The following TRPC4 variants were observed in gnomAD, a reference collection of about 807,000 sequenced individuals.
The protein encoded by TRPC4 is transient receptor potential cation channel subfamily C member 4.
In TRPC4, 49 loss-of-function variants were observed where a neutral mutation model predicts 99.4. The ratio of observed to expected loss-of-function variants is 0.49; its 90% confidence interval spans 0.39 to 0.63. TRPC4 has a LOEUF of 0.63. TRPC4 is among the 20% of genes least tolerant of loss of function. The pLI is 0.00. For missense variants in TRPC4, 898 were observed against 1,152.9 expected (o/e 0.78, Z 3.20); for synonymous variants, 454 against 425.9 (o/e 1.07, Z -0.81).
chr13:37,801,210 A>G (rs1468769381), intron 1 of TRPC4, among the ~76,000 whole-genome samples: 2 of 152,190 alleles, frequency 1.3e-5, no homozygotes, highest in East Asian at 1.9e-4. Flanking sequence ...TTTCCTAAAT[A>G]AGGAAGATAA....
At chr13:37,670,741 C>G (rs987814621) in intron 5 of TRPC4, among the ~76,000 whole-genome samples, 1 of 152,082 alleles carries the variant, frequency 6.6e-6, no homozygotes, top group Admixed American at 6.5e-5. Context: ...AATAAAAGCC[C>G]GATAGCAAGA....
Position 37,747,201 on chromosome 13 carries a change from T to C in TRPC4, c.379-746A>G, listed in dbSNP as rs547871744. On this transcript the variant is annotated intron_variant, in intron 2 of 10. Coordinates refer to ENST00000379705, the MANE Select transcript of TRPC4 (RefSeq NM_016179.4). ...GGTTATACTCTAGGGATGGTAATGA[T>C]GAAAATAATAATAGCCGCCATTTAG... Among the ~76,000 whole-genome samples, 157 of 152,260 alleles carry C rather than the reference T, an allele frequency of 1.0e-3. 1 individual carries two copies. Among genetic ancestry groups the C allele is most frequent in the African/African-American group, 3.8e-3 (156 of 41,566 alleles).
At chr13:37,865,503 AT>A (rs1160284203) in intron 1 of TRPC4, among the ~76,000 whole-genome samples, 3 of 151,660 alleles carry the variant, frequency 2.0e-5, no homozygotes, top group African/African-American at 7.2e-5. Flanking sequence ...AAAGGAAGTC[AT>A]TTTGAGATCA....
intron 1 of TRPC4, among the ~76,000 whole-genome samples, chr13:37,836,829 A>G (rs1017909665): frequency 2.6e-5 from 4 of 152,242 alleles, no homozygotes; most frequent in African/African-American, 9.6e-5. Flanking sequence ...GACAATGCGG[A>G]AAATGTCTCC....
At chr13:37,866,066 C>A (rs1959724135) in intron 1 of TRPC4, among the ~76,000 whole-genome samples, 1 of 151,666 alleles carries the variant, frequency 6.6e-6, no homozygotes, top group African/African-American at 2.4e-5. Context: ...AATTTTTCAA[C>A]ATATTTCAAA....
chr13:37,823,411 C>T (rs1291790662), intron 1 of TRPC4, among the ~76,000 whole-genome samples: 4 of 143,396 alleles, frequency 2.8e-5, no homozygotes, highest in Admixed American at 2.2e-4. Context: ...TTAGGTCTAA[C>T]GTTGAAGTCT....
intron 4 of TRPC4, among the ~76,000 whole-genome samples, chr13:37,689,378 A>G (rs537203478): frequency 1.3e-5 from 2 of 152,316 alleles, no homozygotes; most frequent in Admixed American, 1.3e-4. Flanking sequence ...CTGAGAACTC[A>G]GTCTCGGATA....
At chr13:37,817,516 G>A (rs901099720) in intron 1 of TRPC4, among the ~76,000 whole-genome samples, 2 of 151,822 alleles carry the variant, frequency 1.3e-5, no homozygotes, top group African/African-American at 4.8e-5. Flanking sequence ...GGGTAGTAGA[G>A]AGAACTATTT....
At chr13:37,722,306 A>G (rs1283041667) in intron 3 of TRPC4, among the ~76,000 whole-genome samples, 2 of 152,168 alleles carry the variant, frequency 1.3e-5, no homozygotes, top group East Asian at 1.9e-4. Context: ...AGTCAAATCA[A>G]TCACATATGA....
chr13:37,813,029 C>G (rs1482140651), intron 1 of TRPC4, among the ~76,000 whole-genome samples: 1 of 151,646 alleles, frequency 6.6e-6, no homozygotes, highest in Non-Finnish European at 1.5e-5. Flanking sequence ...GAATTTTATA[C>G]CCACCCAAAA....
intron 1 of TRPC4, among the ~76,000 whole-genome samples, chr13:37,828,995 G>A (rs1344270401): frequency 2.0e-5 from 3 of 152,084 alleles, no homozygotes; most frequent in African/African-American, 7.2e-5. Flanking sequence ...TTTAAAAAGA[G>A]CTAAAAACTA....
intron 2 of TRPC4, among the ~76,000 whole-genome samples, chr13:37,769,080 C>G (rs1205209246): frequency 6.6e-6 from 1 of 151,328 alleles, no homozygotes; most frequent in East Asian, 1.9e-4. Context: ...TTCATGGAAA[C>G]TTGTAATTTT....
Position 37,652,422 on chromosome 13 carries a change from C to T in TRPC4, c.1885-963G>A, listed in dbSNP as rs535276282. ...AAGTTATGCATACTTTTTTATTCTG[C>T]GCAACATGGGTTTAATCCAGATATT... On this transcript the variant is annotated intron_variant, in intron 7 of 10. Coordinates refer to ENST00000379705, the MANE Select transcript of TRPC4 (RefSeq NM_016179.4). 2.7e-4 allele frequency among the ~76,000 whole-genome samples: 41 copies of T among 152,272 alleles called. No homozygotes were observed. In the South Asian group the frequency reaches 5.8e-3, roughly 22 times the overall value.
chr13:37,708,736 T>C lies in TRPC4; in HGVS notation c.898-16401A>G, dbSNP rs535002441. On this transcript the variant is annotated intron_variant, in intron 3 of 10. Transcript: ENST00000379705. ...ATATACATATATAACTATATATGTA[T>C]ATATATAATTTAAGTTAAAAATCTT... is the stretch of plus-strand genomic sequence containing the variant. Among the ~76,000 whole-genome samples, 22 of 148,874 alleles carry C rather than the reference T, an allele frequency of 1.5e-4. No homozygotes were observed. The South Asian group carries it at 3.6e-3, about 24-fold the overall frequency.
rs560345700 is a variant in TRPC4 at position 37,650,405 on chromosome 13, G to C, written c.2079+860C>G. On this transcript the variant is annotated intron_variant, in intron 8 of 10. Transcript: ENST00000379705. ...ACAAAGTGAGGAAGGCGTGAAGAATGATTTGTCTTATGTCAATGGTATGGC... is the reference window on the plus strand; with the variant it reads ...ACAAAGTGAGGAAGGCGTGAAGAATCATTTGTCTTATGTCAATGGTATGGC... 3.3e-5 allele frequency among the ~76,000 whole-genome samples: 5 copies of C among 152,210 alleles called. No homozygotes were observed. The South Asian group carries it at 1.0e-3, about 32-fold the overall frequency.
chr13:37,666,135 A>G (rs1348842816), intron 5 of TRPC4, among the ~76,000 whole-genome samples: 2 of 152,194 alleles, frequency 1.3e-5, no homozygotes, highest in Non-Finnish European at 2.9e-5. Context: ...CACTCTCAGA[A>G]TAATAAACCT....
At chr13:37,644,569 T>C (rs908700340) in intron 8 of TRPC4, among the ~76,000 whole-genome samples, 1 of 152,048 alleles carries the variant, frequency 6.6e-6, no homozygotes, top group Non-Finnish European at 1.5e-5. Context: ...CAATATCACA[T>C]AGAAATTTCT....
At position 37,632,537 on chromosome 13, in the gene TRPC4, G is replaced by A. The variant is rs529242892; in HGVS notation, c.*4366C>T. On this transcript the variant is annotated 3_prime_UTR_variant, in exon 11 of 11. Transcript: ENST00000379705. ...CAGTGCAGCTCTAGAGGAAATTAAC[G>A]GTTTTGCTACTGGTGAATTTGACTT... 2.0e-5 allele frequency among the ~76,000 whole-genome samples: 3 copies of A among 152,226 alleles called. No individual in the cohort carries two copies. Among genetic ancestry groups the A allele is most frequent in the African/African-American group, 2.4e-5 (1 of 41,540 alleles).
At chr13:37,780,459 C>T (rs1189852291) in intron 2 of TRPC4, among the ~76,000 whole-genome samples, 2 of 152,088 alleles carry the variant, frequency 1.3e-5, no homozygotes, top group South Asian at 2.1e-4. Flanking sequence ...AATCTTTGGG[C>T]ATACCATGAG....
Sources: allele counts gnomAD v4.1 joint callset (sites outside exome capture counted in the v4.1 genomes callset), GRCh38; gene constraint gnomAD v4.1.1; transcripts MANE v1.5; gene names NCBI Gene and HGNC (gene_info 2026-07-23, HGNC 2026-07-21).